The following MCC variants were observed in gnomAD, a reference collection of about 807,000 sequenced individuals.
MCC encodes colorectal mutant cancer protein.
In MCC, 90 loss-of-function variants were observed where a neutral mutation model predicts 116.2. The observed-to-expected ratio is 0.77, with a 90% CI of 0.65 to 0.92. The LOEUF (loss-of-function observed/expected upper bound fraction) is 0.92. Among genes scored for constraint, MCC ranks in the 40% least tolerant of loss-of-function variants. The pLI, the probability that MCC is intolerant of heterozygous loss-of-function variation, is 0.00. For missense variants in MCC, 1,516 were observed against 1,312.2 expected (o/e 1.16, Z -2.40); for synonymous variants, 578 against 510.5 (o/e 1.13, Z -1.78).
rs1554103418 is a variant in MCC at position 113,023,355 on chromosome 5, T to TATC, written c.*3944_*3946dup. The TATC allele has an allele frequency of 2.0e-5, 3 of 152,252 alleles. No homozygotes were observed. Among genetic ancestry groups the TATC allele is most frequent in the South Asian group, 2.1e-4 (1 of 4,834 alleles). 9.4% of individuals were successfully genotyped at this position (152,252 alleles called of 1,614,324 possible). A position where few individuals can be genotyped will look rare whatever the true frequency, so the allele number is the denominator to read the frequency against. On this transcript the variant is annotated 3_prime_UTR_variant, in exon 19 of 19. Transcript: ENST00000408903. ...TGCTCAAAGGTGAATCAAACTTGTA[T>TATC]ATCATTCCTTGTCAAATAGGCTGTT...
chr5:113,144,750 G>A (rs1759390305), intron 4 of MCC, among the ~76,000 whole-genome samples: 2 of 152,202 alleles, frequency 1.3e-5, no homozygotes, highest in African/African-American at 4.8e-5. Flanking sequence ...TGGAGCTCCA[G>A]AAACAAGATT....
chr5:113,115,712 TTC>T, intron 6 of MCC, among the ~76,000 whole-genome samples: 1 of 152,126 alleles, frequency 6.6e-6, no homozygotes, highest in East Asian at 1.9e-4. Context: ...GCCAGAAAAG[TTC>T]TGTTTCACAC....
chr5:113,471,726 G>C (rs544263991), intron 1 of MCC, among the ~76,000 whole-genome samples: 7 of 139,216 alleles, frequency 5.0e-5, no homozygotes, highest in Non-Finnish European at 9.3e-5. Flanking sequence ...GTCTGCAGAG[G>C]TTACTGCTGT....
chr5:113,265,410 G>C (rs1163344476), intron 3 of MCC, among the ~76,000 whole-genome samples: 1 of 152,100 alleles, frequency 6.6e-6, no homozygotes, highest in Non-Finnish European at 1.5e-5. Context: ...TCTGCACTAA[G>C]GGAAGGGTAG....
chr5:113,205,817 T>C (rs1288337753), intron 3 of MCC, among the ~76,000 whole-genome samples: 2 of 152,174 alleles, frequency 1.3e-5, no homozygotes, highest in African/African-American at 4.8e-5. Context: ...TTCTCCCAAG[T>C]AAGATGACTG....
At chr5:113,141,921 C>A (rs541723241) in intron 5 of MCC, among the ~76,000 whole-genome samples, 1 of 152,170 alleles carries the variant, frequency 6.6e-6, no homozygotes, top group African/African-American at 2.4e-5. Flanking sequence ...CACAAATTTG[C>A]CAGTGTCCTA....
chr5:113,066,673 A>T (rs1367918176), intron 13 of MCC, among the ~76,000 whole-genome samples: 1 of 152,224 alleles, frequency 6.6e-6, no homozygotes, highest in African/African-American at 2.4e-5. Flanking sequence ...GTTCAGTGCA[A>T]AAGTGAGCCC....
chr5:113,041,516 G>A lies in MCC; in HGVS notation c.2756+2014C>T, dbSNP rs375802869. Among the ~76,000 whole-genome samples the A allele has an allele frequency of 1.2e-3, 179 of 152,328 alleles. 1 individual carries two copies. The highest frequency in any genetic ancestry group is 4.2e-3 in the African/African-American group (173 of 41,574). ...GGGATTCAGAGGTGCTCCAACCAGA[G>A]GTGTTGGCTACCAGAACAGGAGGGG... On this transcript the variant is annotated intron_variant, in intron 17 of 18. Transcript: ENST00000408903.
intron 3 of MCC, among the ~76,000 whole-genome samples, chr5:113,286,172 A>G (rs1008076291): frequency 2.0e-5 from 3 of 152,230 alleles, no homozygotes; most frequent in Admixed American, 6.5e-5. Flanking sequence ...GAACACAGAT[A>G]AGGGAAGGAA....
At chr5:113,076,691 G>C (rs1376183624) in intron 11 of MCC, among the ~76,000 whole-genome samples, 1 of 152,176 alleles carries the variant, frequency 6.6e-6, no homozygotes, top group Non-Finnish European at 1.5e-5. Context: ...ACCGGTACCA[G>C]CCACTACAAA....
intron 5 of MCC, among the ~76,000 whole-genome samples, chr5:113,136,438 T>C (rs1343611973): frequency 1.3e-5 from 2 of 152,204 alleles, no homozygotes; most frequent in Non-Finnish European, 2.9e-5. Context: ...TTCCTATAGG[T>C]AGAATTACTT....
chr5:113,342,228 T>C (rs1171769579), intron 2 of MCC, among the ~76,000 whole-genome samples: 1 of 152,256 alleles, frequency 6.6e-6, no homozygotes, highest in African/African-American at 2.4e-5. Context: ...ATTTTCTTTA[T>C]CCAGTTATTG....
intron 11 of MCC, among the ~76,000 whole-genome samples, chr5:113,080,438 T>TGCA (rs1754771650): frequency 6.6e-6 from 1 of 152,070 alleles, no homozygotes; most frequent in African/African-American, 2.4e-5. Context: ...ATTAAGAAAA[T>TGCA]GTGGCACACA....
intron 7 of MCC, 143 bp from the exon 8 acceptor site, chr5:113,102,088 G>C (rs1756456141): frequency 1.3e-6 from 1 of 765,064 alleles, no homozygotes; most frequent in African/African-American, 1.7e-5. Flanking sequence ...CATGACTACA[G>C]ACACCCCAAA....
intron 1 of MCC, among the ~76,000 whole-genome samples, chr5:113,423,734 T>C (rs1770406506): frequency 6.6e-6 from 1 of 152,050 alleles, no homozygotes; most frequent in Non-Finnish European, 1.5e-5. Flanking sequence ...AAGAAGCCAT[T>C]AGATCTCTAT....
At chr5:113,468,760 C>T (rs1283561747) in intron 1 of MCC, among the ~76,000 whole-genome samples, 1 of 152,182 alleles carries the variant, frequency 6.6e-6, no homozygotes, top group Non-Finnish European at 1.5e-5. Context: ...AGGAATGGTA[C>T]CAGCTCCTCT....
At chr5:113,096,476 C>A (rs1436424045) in intron 8 of MCC, among the ~76,000 whole-genome samples, 1 of 152,228 alleles carries the variant, frequency 6.6e-6, no homozygotes, top group Non-Finnish European at 1.5e-5. Context: ...CTGCCTGTTT[C>A]TCTGCAACTC....
intron 17 of MCC, among the ~76,000 whole-genome samples, chr5:113,039,561 G>C (rs1751546906): frequency 6.6e-6 from 1 of 152,198 alleles, no homozygotes; most frequent in South Asian, 2.1e-4. Flanking sequence ...AAACGAGTGG[G>C]CTCAGCTCAC....
chr5:113,141,174 T>A (rs914379095), intron 5 of MCC, among the ~76,000 whole-genome samples: 10 of 152,308 alleles, frequency 6.6e-5, no homozygotes, highest in African/African-American at 2.4e-4. Flanking sequence ...TCAGAACTCT[T>A]CCTGCCCTTG....
Sources: gnomAD v4.1 joint callset for allele counts (sites outside exome capture counted in the v4.1 genomes callset) on GRCh38, gnomAD v4.1.1 for gene constraint, MANE v1.5 for transcripts, NCBI Gene and HGNC (gene_info 2026-07-23, HGNC 2026-07-21) for gene names.